Variants in DDX42 observed in about 807,000 individuals in gnomAD.
DDX42 encodes the protein DEAD-box helicase 42.
In DDX42, 22 loss-of-function variants were observed where a neutral mutation model predicts 101.5. That is an observed-to-expected ratio of 0.22 (90% CI 0.15 to 0.31). The LOEUF is 0.31. DDX42 is among the 10% of genes least tolerant of loss of function. The pLI is 1.00. For missense variants in DDX42, 849 were observed against 1,199.9 expected, an observed-to-expected ratio of 0.71 and a Z score of 4.32; for synonymous variants, 402 against 401.2, an observed-to-expected ratio of 1.00 and a Z score of -0.02.
chr17:63,790,799 C>T (rs978045889), intron 2 of DDX42, among the ~76,000 whole-genome samples: 2 of 151,738 alleles, frequency 1.3e-5, no homozygotes, highest in African/African-American at 2.4e-5. Context: ...GGTGCAGTGG[C>T]GTGCACCTGT....
intron 1 of DDX42, among the ~76,000 whole-genome samples, chr17:63,778,599 G>T (rs1008477961): frequency 2.0e-5 from 3 of 151,968 alleles, no homozygotes; most frequent in African/African-American, 7.3e-5. Flanking sequence ...AGTATATTTT[G>T]ACTTAGTGAT....
intron 1 of DDX42, among the ~76,000 whole-genome samples, chr17:63,780,253 G>A (rs1235163623): frequency 1.3e-5 from 2 of 151,186 alleles, no homozygotes; most frequent in Non-Finnish European, 2.9e-5. Context: ...CTGAGATTGC[G>A]CCATTGCACT....
chr17:63,778,709 C>T (rs779561902), intron 1 of DDX42, among the ~76,000 whole-genome samples: 21 of 151,816 alleles, frequency 1.4e-4, no homozygotes, highest in South Asian at 6.2e-4. Flanking sequence ...GGCACGATCT[C>T]GGCTCACTGC....
intron 17 of DDX42, chr17:63,817,397 G>T: frequency 3.0e-6 from 1 of 333,648 alleles, no homozygotes; most frequent in Non-Finnish European, 5.5e-6. Context: ...TAAGTTTTCA[G>T]AACTTTTTGG....
At chr17:63,778,926 TAATTGC>T (rs768234251) in intron 1 of DDX42, among the ~76,000 whole-genome samples, 14 of 152,078 alleles carry the variant, frequency 9.2e-5, no homozygotes, top group Non-Finnish European at 1.9e-4. Flanking sequence ...TTTTAGGAAA[TAATTGC>T]AATAGTGGAG....
intron 6 of DDX42, among the ~76,000 whole-genome samples, chr17:63,803,532 C>T (rs2039798983): frequency 7.6e-6 from 1 of 131,860 alleles, no homozygotes; most frequent in Non-Finnish European, 1.6e-5. Context: ...TGTGCCACTG[C>T]ACTCCAGCCT....
Position 63,816,911 on chromosome 17 carries a change from A to C in DDX42, c.2057A>C (p.Lys686Thr). 1 of 1,614,022 alleles carries C rather than the reference A, an allele frequency of 6.2e-7. No homozygotes were observed. The highest frequency in any genetic ancestry group is 8.5e-7 in the Non-Finnish European group (1 of 1,179,960). ...NNVMSNYEAY[K>T]PSTGAMGDRL... is the part of the protein sequence containing the mutation. Reference sequence around the variant, plus strand: ...GTAATGAGCAATTATGAGGCCTACAAGCCTTCCACAGGAGCTATGGGAGAT... The same window carrying C: ...GTAATGAGCAATTATGAGGCCTACACGCCTTCCACAGGAGCTATGGGAGAT... The change falls in exon 17 of 18, where the codon AAG becomes ACG. Residue 686 changes from lysine (K) to threonine (T), a missense_variant. Transcript: ENST00000389924.
In DDX42 at chr17:63,787,046, C is replaced by T. The variant is rs1354068566; in HGVS notation, c.-4C>T. On this transcript the variant is annotated 5_prime_UTR_variant, in exon 2 of 18. Coordinates refer to ENST00000389924, the MANE Select transcript of DDX42 (RefSeq NM_203499.3). ...TTATTCCTAACAGGTCAGTCATTGG[C>T]ACCATGAACTGGAATAAAGGTGGTC... The T allele has an allele frequency of 1.9e-6, 3 of 1,613,938 alleles. No homozygotes were observed. The highest frequency in any genetic ancestry group is 1.6e-4 in the Middle Eastern group (1 of 6,084).
In DDX42 at chr17:63,789,546, C is replaced by CGTTTTTTTTTTTTTTTTT. The variant is rs138224520; in HGVS notation, c.221+2276_221+2277insGTTTTTTTTTTTTTTTTT. Among the ~76,000 whole-genome samples, 4 of 121,848 alleles carry CGTTTTTTTTTTTTTTTTT rather than the reference C, an allele frequency of 3.3e-5. 1 individual carries two copies. Among genetic ancestry groups the CGTTTTTTTTTTTTTTTTT allele is most frequent in the African/African-American group, 1.0e-4 (3 of 29,318 alleles). 79.9% of individuals were successfully genotyped at this position (121,848 alleles called of 152,430 possible). On this transcript the variant is annotated intron_variant, in intron 2 of 17. Coordinates refer to ENST00000389924, the MANE Select transcript of DDX42 (RefSeq NM_203499.3). ...ATTGGAAAAAAAAGCTTCTAAAAGA[C>CGTTTTTTTTTTTTTTTTT]TTTTTTGTTTTTGTTTTTGTTTTTG...
intron 5 of DDX42, 42 bp downstream of exon 5, chr17:63,799,667 CAA>C (rs1349921945): frequency 1.3e-6 from 2 of 1,599,988 alleles, no homozygotes; most frequent in Non-Finnish European, 1.7e-6. Flanking sequence ...TTTTTATCCA[CAA>C]AGTCTATACT....
At chr17:63,796,627 T>C (rs2039696403) in intron 3 of DDX42, among the ~76,000 whole-genome samples, 1 of 152,210 alleles carries the variant, frequency 6.6e-6, no homozygotes, top group African/African-American at 2.4e-5. Flanking sequence ...AGATGTCAAA[T>C]TTTATAGAAA....
Position 63,813,464 on chromosome 17 carries a change from T to C in DDX42, c.1902+10T>C, listed in dbSNP as rs376707879. 5.0e-6 allele frequency: 8 copies of C among 1,610,024 alleles called. No individual in the cohort carries two copies. Among genetic ancestry groups the C allele is most frequent in the African/African-American group, 2.7e-5 (2 of 74,938 alleles). ...AGATCTGGCAATGCAGGTGAGGGGC[T>C]GGGCACACTTTCAATTGCTCCTGGT... On this transcript the variant is annotated intron_variant, in intron 15 of 17. Coordinates refer to ENST00000389924, the MANE Select transcript of DDX42 (RefSeq NM_203499.3).
chr17:63,788,438 C>G (rs991726613), intron 2 of DDX42, among the ~76,000 whole-genome samples: 8 of 150,470 alleles, frequency 5.3e-5, no homozygotes, highest in African/African-American at 2.0e-4. Context: ...TCCCAAGTAA[C>G]TAGGACTACA....
Position 63,810,587 on chromosome 17 carries a change from C to G in DDX42, c.1300+27C>G, listed in dbSNP as rs189676763. ...TATGTATGAAGCACCTTTGTTAAAC[C>G]AAATTTGTACTAAAAAGGGCACTTA... On this transcript the variant is annotated intron_variant, in intron 12 of 17. Coordinates refer to ENST00000389924, the MANE Select transcript of DDX42 (RefSeq NM_203499.3). 5 of 1,608,808 alleles carry G rather than the reference C, an allele frequency of 3.1e-6. No individual in the cohort carries two copies. In the South Asian group the frequency reaches 5.5e-5, roughly 18 times the overall value.
In DDX42 at chr17:63,806,540, T is replaced by C. The variant is rs370615861; in HGVS notation, c.732T>C (p.Ser244=). The C allele has an allele frequency of 1.9e-5, 31 of 1,611,302 alleles. No individual in the cohort carries two copies. The highest frequency in any genetic ancestry group is 2.5e-5 in the Non-Finnish European group (29 of 1,179,044). The part of the protein sequence containing the change: ...DLRHKLNLRV[S]GAAPPRPGSS... ...GGAGTTGTCTCTATCTCTAGGTCTC[T>C]GGTGCTGCACCTCCTAGACCAGGAA... Residue 244 remains serine, a synonymous_variant, in exon 8 of 18, where the codon TCT becomes TCC. Transcript: ENST00000389924.
At chr17:63,787,508 C>G (rs2039561003) in intron 2 of DDX42, among the ~76,000 whole-genome samples, 2 of 152,174 alleles carry the variant, frequency 1.3e-5, no homozygotes, top group African/African-American at 4.8e-5. Flanking sequence ...TCCTACTGGG[C>G]TGTTGCTCAC....
At chr17:63,794,778 C>CA (rs1343046939) in intron 3 of DDX42, among the ~76,000 whole-genome samples, 2 of 148,766 alleles carry the variant, frequency 1.3e-5, no homozygotes, top group African/African-American at 4.9e-5. Flanking sequence ...ACTAAAAATA[C>CA]AAAAAAAATT....
rs554802175 is a variant in DDX42, at chr17:63,789,798, C to T, written c.221+2528C>T. 3.9e-5 allele frequency among the ~76,000 whole-genome samples: 6 copies of T among 151,986 alleles called. No homozygotes were observed. In the South Asian group the frequency reaches 6.2e-4, roughly 16 times the overall value. The stretch of plus-strand genomic sequence containing the variant: ...GTGTTGGCCAGGCTGGTTTCAAACT[C>T]GTAACCTCAGGTGATCTGCCTGCCT... On this transcript the variant is annotated intron_variant, in intron 2 of 17. Transcript: ENST00000389924.
chr17:63,783,025 CCTT>C (rs1297199105), intron 1 of DDX42, among the ~76,000 whole-genome samples: 1 of 152,098 alleles, frequency 6.6e-6, no homozygotes, highest in Non-Finnish European at 1.5e-5. Context: ...TCTGAAATGC[CCTT>C]CTTTAATGCC....
Sources: allele counts gnomAD v4.1 joint callset (sites outside exome capture counted in the v4.1 genomes callset), GRCh38; gene constraint gnomAD v4.1.1; transcripts MANE v1.5; gene names NCBI Gene and HGNC (gene_info 2026-07-23, HGNC 2026-07-21).